The following TMEM67 variants were observed in gnomAD, a reference collection of about 807,000 sequenced individuals.
TMEM67 encodes transmembrane protein 67.
Under a neutral mutation model 136.6 loss-of-function variants are expected in TMEM67, and 124 were observed. That is an observed-to-expected ratio of 0.91 (90% confidence interval 0.78 to 1.05). The LOEUF is 1.05. Among genes scored for constraint, TMEM67 ranks in the 50% least tolerant of loss-of-function variants. TMEM67 has a pLI of 0.00. For synonymous variants in TMEM67, 364 were observed against 390.5 expected (o/e 0.93, Z 0.80); for missense variants, 1,107 against 1,178.4 (o/e 0.94, Z 0.89).
At chr8:93,831,517 TC>T in the TMEM67 span, among the ~76,000 whole-genome samples, 1 of 152,306 alleles carries the variant, frequency 6.6e-6, no homozygotes, top group Non-Finnish European at 1.5e-5. Context: ...TGAAAGCCAT[TC>T]GCCAATCTTC....
At chr8:93,821,269 A>C (rs1467426689), downstream of TMEM67, among the ~76,000 whole-genome samples, 9 of 152,122 alleles carry the variant, frequency 5.9e-5, no homozygotes, top group Non-Finnish European at 1.2e-4. Context: ...CATGACTTTC[A>C]TGTAGGTCTT....
the TMEM67 span, among the ~76,000 whole-genome samples, chr8:93,829,842 C>G: frequency 4.3e-4 from 66 of 152,264 alleles, no homozygotes; most frequent in Non-Finnish European, 7.8e-4. Context: ...CATTTTAGGC[C>G]TCAGAATCAG....
chr8:93,817,420 G>A lies in TMEM67; in HGVS notation c.*968G>A, dbSNP rs559329364. ...GTGGCCTGTAATCCCAGCTATTTGG[G>A]AGGCTGAGGCATGAGAATAGCTTGA... On this transcript the variant is annotated 3_prime_UTR_variant, in exon 28 of 28. Coordinates refer to ENST00000453321, the MANE Select transcript of TMEM67 (RefSeq NM_153704.6). 6.6e-6 allele frequency: 1 copy of A among 152,332 alleles called. No homozygotes were observed. Among genetic ancestry groups the A allele is most frequent in the East Asian group, 1.9e-4 (1 of 5,176 alleles). 9.4% of individuals were successfully genotyped at this position (152,332 alleles called of 1,614,324 possible). A position where few individuals can be genotyped will look rare whatever the true frequency, so the allele number is the denominator to read the frequency against.
chr8:93,801,969 T>A (rs1586078056), intron 21 of TMEM67, among the ~76,000 whole-genome samples: 2 of 152,186 alleles, frequency 1.3e-5, no homozygotes, highest in East Asian at 3.8e-4. Context: ...CCGATATATT[T>A]TGTGAGTATA....
In TMEM67 at chr8:93,757,320, T is replaced by C. The variant is rs150471458; in HGVS notation, c.313-1163T>C. On this transcript the variant is annotated intron_variant, in intron 2 of 27. Transcript: ENST00000453321. Reference sequence around the variant, plus strand: ...ACCATATGATATAATAAGCCCAATTTTGAATGCTGTCATACTTTATCAAAA... The same window carrying C: ...ACCATATGATATAATAAGCCCAATTCTGAATGCTGTCATACTTTATCAAAA... Among the ~76,000 whole-genome samples the C allele has an allele frequency of 4.4e-3, 676 of 152,162 alleles. 4 individuals carry two copies. Among genetic ancestry groups the C allele is most frequent in the African/African-American group, 0.016 (652 of 41,526 alleles).
At position 93,781,411 on chromosome 8, in the gene TMEM67, G is replaced by A. The variant is rs918357684; in HGVS notation, c.979-247G>A. ...TCCCACACTGCCTCCTATTTAACAGGTTCAAAAGGAGGCTATCTGTCACTA... is the reference window on the plus strand; with the variant it reads ...TCCCACACTGCCTCCTATTTAACAGATTCAAAAGGAGGCTATCTGTCACTA... On this transcript the variant is annotated intron_variant, in intron 9 of 27. Coordinates refer to ENST00000453321, the MANE Select transcript of TMEM67 (RefSeq NM_153704.6). 2.0e-5 allele frequency among the ~76,000 whole-genome samples: 3 copies of A among 152,226 alleles called. No homozygotes were observed. The South Asian group carries it at 6.2e-4, about 32-fold the overall frequency.
chr8:93,789,653 T>A (rs10094886), intron 14 of TMEM67, among the ~76,000 whole-genome samples: 86,324 of 143,998 alleles, frequency 0.6, 25,934 homozygotes, highest in East Asian at 0.79. Context: ...CTCAAAAAAA[T>A]ATATATATAT....
rs190688182 is a variant in TMEM67, at chr8:93,771,027, A to T, written c.652-1562A>T. On this transcript the variant is annotated intron_variant, in intron 6 of 27. Transcript: ENST00000453321. ...AAATTCCGTCTCAAAAAAAAAAAAA[A>T]ATATTGATTTCTTGGTCATAGTTGT... Among the ~76,000 whole-genome samples, 37 of 152,098 alleles carry T rather than the reference A, an allele frequency of 2.4e-4. No individual in the cohort carries two copies. The East Asian group carries it at 2.9e-3, about 12-fold the overall frequency.
At chr8:93,759,789 T>G in intron 3 of TMEM67, 1 of 384,248 alleles carries the variant, frequency 2.6e-6, no homozygotes, top group Non-Finnish European at 4.8e-6. Context: ...GTTGGGATTA[T>G]AGGCATGTGC....
chr8:93,819,920 A>G (rs966451007), downstream of TMEM67, among the ~76,000 whole-genome samples: 4 of 152,134 alleles, frequency 2.6e-5, no homozygotes, highest in African/African-American at 9.7e-5. Flanking sequence ...CATACCTTTG[A>G]TATACAAACT....
chr8:93,815,817 G>C (rs543343945), intron 27 of TMEM67, among the ~76,000 whole-genome samples: 72 of 149,374 alleles, frequency 4.8e-4, no homozygotes, highest in African/African-American at 1.8e-3. Flanking sequence ...GCTAGCTCAG[G>C]GCTCAGCACC....
chr8:93,764,817 C>G (rs1813011845), intron 4 of TMEM67, among the ~76,000 whole-genome samples: 1 of 152,062 alleles, frequency 6.6e-6, no homozygotes, highest in Non-Finnish European at 1.5e-5. Flanking sequence ...CCTACCTGCT[C>G]TATTTTGCAA....
chr8:93,829,382 C>CTG, the TMEM67 span, among the ~76,000 whole-genome samples: 3,444 of 137,518 alleles, frequency 0.025, 47 homozygotes, highest in African/African-American at 0.031. Flanking sequence ...CTCTCTCTCT[C>CTG]TGTGTGTGTG....
At chr8:93,826,415 C>T in the TMEM67 span, among the ~76,000 whole-genome samples, 1 of 151,988 alleles carries the variant, frequency 6.6e-6, no homozygotes, top group Non-Finnish European at 1.5e-5. Flanking sequence ...TTAATCAGGC[C>T]TTGAGGGACT....
At chr8:93,781,594 C>A in intron 9 of TMEM67, 64 bp from the exon 10 acceptor site, 2 of 684,388 alleles carry the variant, frequency 2.9e-6, no homozygotes, top group South Asian at 2.5e-5. Context: ...ATGAAAATTT[C>A]TTTATAGGAT....
the TMEM67 span, among the ~76,000 whole-genome samples, chr8:93,827,154 A>G: frequency 6.6e-6 from 1 of 152,144 alleles, no homozygotes; most frequent in African/African-American, 2.4e-5. Flanking sequence ...TTTAAATGGC[A>G]GATAATCTTG....
intron 9 of TMEM67, 75 bp downstream of exon 9, chr8:93,781,057 C>A: frequency 9.4e-7 from 1 of 1,063,816 alleles, no homozygotes; most frequent in South Asian, 1.3e-5. Flanking sequence ...AGTTACAATT[C>A]TTGCCTTTTT....
At chr8:93,813,535 T>C (rs1324822000) in intron 26 of TMEM67, among the ~76,000 whole-genome samples, 1 of 152,152 alleles carries the variant, frequency 6.6e-6, no homozygotes, top group Non-Finnish European at 1.5e-5. Flanking sequence ...GCAGTAGCAG[T>C]GGGGCTAGAG....
chr8:93,827,004 T>G, the TMEM67 span, among the ~76,000 whole-genome samples: 2 of 152,084 alleles, frequency 1.3e-5, no homozygotes, highest in Admixed American at 1.3e-4. Flanking sequence ...TAATTTTTTG[T>G]ATTTTTAGTA....
Sources: gnomAD v4.1 joint callset for allele counts (sites outside exome capture counted in the v4.1 genomes callset) on GRCh38, gnomAD v4.1.1 for gene constraint, MANE v1.5 for transcripts, NCBI Gene and HGNC (gene_info 2026-07-23, HGNC 2026-07-21) for gene names.